PDLIM5: variants seen among roughly 807,000 people sequenced by gnomAD.
PDLIM5 encodes the protein PDZ and LIM domain 5, also known as PDZ and LIM domain protein 5.
Under a neutral mutation model 64.2 loss-of-function variants are expected in PDLIM5, and 34 were observed. That is an observed-to-expected ratio of 0.53 (90% CI 0.40 to 0.71). The LOEUF is 0.71. Among genes scored for constraint, PDLIM5 ranks in the 30% least tolerant of loss-of-function variants. The pLI, the probability that PDLIM5 is intolerant of heterozygous loss-of-function variation, is 0.00. For synonymous variants in PDLIM5, 253 were observed against 269.1 expected, an observed-to-expected ratio of 0.94 and a Z score of 0.59; for missense variants, 683 against 733.6, an observed-to-expected ratio of 0.93 and a Z score of 0.80.
intron 5 of PDLIM5, among the ~76,000 whole-genome samples, chr4:94,579,754 G>A (rs1429502161): frequency 6.6e-6 from 1 of 152,114 alleles, no homozygotes; most frequent in Admixed American, 6.5e-5. Flanking sequence ...GTCATAAAAT[G>A]TATGTGGGTT....
chr4:94,618,220 C>A, intron 8 of PDLIM5, 29 bp downstream of exon 8: 3 of 1,483,446 alleles, frequency 2.0e-6, no homozygotes, highest in South Asian at 1.3e-5. Context: ...TTGCGTCTTG[C>A]TTTTCGTAAT....
At chr4:94,485,862 A>G (rs1458763578) in intron 2 of PDLIM5, among the ~76,000 whole-genome samples, 4 of 151,728 alleles carry the variant, frequency 2.6e-5, no homozygotes, top group African/African-American at 7.3e-5. Flanking sequence ...AAAAAAAAAA[A>G]AAAAGAAAAA....
rs940323782 is a variant in PDLIM5, at chr4:94,623,442, C to G, written c.1108+5251C>G. ...TACCTTTTAAGACCAGCTTGTTCCC[C>G]CTTTGTGAAGCTTTCTTGAGCCCTC... On this transcript the variant is annotated intron_variant, in intron 8 of 12. Transcript: ENST00000317968. Among the ~76,000 whole-genome samples the G allele has an allele frequency of 9.9e-5, 15 of 152,264 alleles. No homozygotes were observed. In the South Asian group the frequency reaches 3.1e-3, roughly 32 times the overall value.
rs371463583 is a variant in PDLIM5, at chr4:94,585,721, C to T, written c.867C>T (p.Ile289=). 1.2e-6 allele frequency: 2 copies of T among 1,613,168 alleles called. No homozygotes were observed. The highest frequency in any genetic ancestry group is 8.5e-7 in the Non-Finnish European group (1 of 1,179,230). ...GCTCTTTCCGAATCCTTGCCCAGATCACTGGGACTGAACATTGTAAGTGAA... is the reference window on the plus strand; with the variant it reads ...GCTCTTTCCGAATCCTTGCCCAGATTACTGGGACTGAACATTGTAAGTGAA... ...QSRSFRILAQ[I]TGTEHLKESE... Residue 289 remains isoleucine, a synonymous_variant, in exon 6 of 13, where the codon ATC becomes ATT. Transcript: ENST00000317968.
chr4:94,610,100 A>G (rs1738242238), intron 7 of PDLIM5: 2 of 926,086 alleles, frequency 2.2e-6, no homozygotes, highest in African/African-American at 3.3e-5. Flanking sequence ...TGTATTTATT[A>G]TGCTACCCTT....
intron 9 of PDLIM5, among the ~76,000 whole-genome samples, chr4:94,643,591 G>A (rs988460751): frequency 4.6e-5 from 7 of 152,224 alleles, no homozygotes; most frequent in South Asian, 2.1e-4. Context: ...AACTATTTAT[G>A]TTTAGCTTGA....
intron 9 of PDLIM5, among the ~76,000 whole-genome samples, chr4:94,646,658 T>G (rs2110472230): frequency 6.6e-6 from 1 of 152,308 alleles, no homozygotes; most frequent in East Asian, 1.9e-4. Context: ...CAAACCAATT[T>G]ATTTTATTTG....
intron 3 of PDLIM5, among the ~76,000 whole-genome samples, chr4:94,526,763 G>A (rs184530541): frequency 2.1e-5 from 3 of 145,450 alleles, no homozygotes; most frequent in Admixed American, 1.4e-4. Flanking sequence ...ACTGAATCTC[G>A]CTCTGTCGCC....
At chr4:94,611,134 C>T in intron 7 of PDLIM5, 4 of 1,534,540 alleles carry the variant, frequency 2.6e-6, no homozygotes, top group Non-Finnish European at 3.5e-6. Flanking sequence ...GTCTCCAAGC[C>T]TTTAGCTTTT....
chr4:94,516,664 C>G (rs1299432032), intron 2 of PDLIM5, among the ~76,000 whole-genome samples: 3 of 152,024 alleles, frequency 2.0e-5, no homozygotes, highest in Non-Finnish European at 4.4e-5. Context: ...GCTGGGACCA[C>G]AGGTCCCAGA....
chr4:94,531,772 T>C lies in PDLIM5; in HGVS notation c.248+7897T>C, dbSNP rs540246722. On this transcript the variant is annotated intron_variant, in intron 3 of 12. Transcript: ENST00000317968. ...TAGATATTTGATAAGATGGGATAGA[T>C]GCATAATAGGGGTCACTCTTCCTCT... Among the ~76,000 whole-genome samples, 21 of 152,310 alleles carry C rather than the reference T, an allele frequency of 1.4e-4. No homozygotes were observed. The East Asian group carries it at 4.0e-3, about 29-fold the overall frequency.
intron 5 of PDLIM5, among the ~76,000 whole-genome samples, chr4:94,576,432 G>A (rs549561581): frequency 6.6e-5 from 10 of 152,262 alleles, no homozygotes; most frequent in African/African-American, 2.2e-4. Flanking sequence ...ACAACTCATC[G>A]TAAGGAGAGG....
At chr4:94,519,940 A>C (rs1729683935) in intron 2 of PDLIM5, among the ~76,000 whole-genome samples, 1 of 152,146 alleles carries the variant, frequency 6.6e-6, no homozygotes, top group Admixed American at 6.5e-5. Context: ...TTACAGATAA[A>C]AGGGTTAAAA....
chr4:94,455,198 TA>T, intron 1 of PDLIM5, 48 bp from the exon 2 acceptor site: 1 of 728,182 alleles, frequency 1.4e-6, no homozygotes, highest in Non-Finnish European at 2.4e-6. Context: ...ATTTATGTTC[TA>T]GGGTTTCAAG....
chr4:94,573,198 T>C (rs979716793), intron 3 of PDLIM5, among the ~76,000 whole-genome samples, 153 bp from the exon 4 acceptor site: 2 of 152,232 alleles, frequency 1.3e-5, no homozygotes, highest in Non-Finnish European at 2.9e-5. Flanking sequence ...ATTAGAAGAT[T>C]GTGAATAGTA....
At chr4:94,513,704 G>A (rs943362443) in intron 2 of PDLIM5, among the ~76,000 whole-genome samples, 9 of 152,132 alleles carry the variant, frequency 5.9e-5, no homozygotes, top group African/African-American at 1.7e-4. Context: ...AGTTTGGAAC[G>A]TTGTATCTTT....
chr4:94,640,040 A>G (rs1407761339), intron 8 of PDLIM5, among the ~76,000 whole-genome samples: 1 of 152,064 alleles, frequency 6.6e-6, no homozygotes, highest in Non-Finnish European at 1.5e-5. Context: ...AAAAAAAAAA[A>G]AATTCTATGC....
intron 9 of PDLIM5, among the ~76,000 whole-genome samples, chr4:94,651,121 C>G (rs1460398967): frequency 6.6e-6 from 1 of 152,182 alleles, no homozygotes; most frequent in African/African-American, 2.4e-5. Flanking sequence ...TTAAATTAGT[C>G]TTTGCTGACA....
chr4:94,649,140 T>C (rs994203110), intron 9 of PDLIM5, among the ~76,000 whole-genome samples: 4 of 152,034 alleles, frequency 2.6e-5, no homozygotes, highest in Admixed American at 6.6e-5. Context: ...CATGCCCAGC[T>C]AATTTTTGTA....
Sources: gnomAD v4.1 joint callset for allele counts (sites outside exome capture counted in the v4.1 genomes callset) on GRCh38, gnomAD v4.1.1 for gene constraint, MANE v1.5 for transcripts, NCBI Gene and HGNC (gene_info 2026-07-23, HGNC 2026-07-21) for gene names.